Variants in CDK14 observed in about 807,000 individuals in gnomAD.
CDK14 encodes cyclin-dependent kinase 14.
In CDK14, 34 loss-of-function variants were observed where a neutral mutation model predicts 60.7. The ratio of observed to expected loss-of-function variants is 0.56; its 90% CI spans 0.43 to 0.75. CDK14 has a LOEUF of 0.75. CDK14 is among the 30% of genes least tolerant of loss of function. CDK14 has a pLI of 0.00. For missense variants in CDK14, 482 were observed against 564.1 expected, an observed-to-expected ratio of 0.85 and a Z score of 1.47; for synonymous variants, 197 against 203.7, an observed-to-expected ratio of 0.97 and a Z score of 0.28.
intron 14 of CDK14, among the ~76,000 whole-genome samples, chr7:91,199,863 C>T (rs1048405855): frequency 1.9e-4 from 29 of 152,142 alleles, no homozygotes; most frequent in African/African-American, 6.8e-4. Context: ...TAAAACAAAG[C>T]CTGACTATCT....
intron 2 of CDK14, among the ~76,000 whole-genome samples, chr7:90,624,357 A>G (rs1799833352): frequency 6.6e-6 from 1 of 152,270 alleles, no homozygotes; most frequent in Admixed American, 6.5e-5. Flanking sequence ...ATTTCATAAC[A>G]TTAATGACAA....
chr7:90,932,379 C>T (rs1482742739), intron 8 of CDK14, among the ~76,000 whole-genome samples: 2 of 152,094 alleles, frequency 1.3e-5, no homozygotes, highest in South Asian at 2.1e-4. Context: ...AAATTATGGT[C>T]CAATTAACAA....
At chr7:90,991,453 A>G (rs2115691126) in intron 10 of CDK14, among the ~76,000 whole-genome samples, 1 of 152,290 alleles carries the variant, frequency 6.6e-6, no homozygotes, top group East Asian at 1.9e-4. Flanking sequence ...GTACAGTGAC[A>G]CAAATCAAGG....
At chr7:91,098,431 C>T (rs1799060332) in intron 12 of CDK14, among the ~76,000 whole-genome samples, 1 of 151,336 alleles carries the variant, frequency 6.6e-6, no homozygotes, top group Admixed American at 6.6e-5. Context: ...GCGCAGCACA[C>T]CAACATGGCA....
At chr7:90,890,545 A>C (rs1792085062) in intron 6 of CDK14, among the ~76,000 whole-genome samples, 1 of 152,174 alleles carries the variant, frequency 6.6e-6, no homozygotes, top group Admixed American at 6.5e-5. Context: ...TTAATGAATG[A>C]TTCTCATGTA....
At chr7:90,818,068 T>A (rs1241657629) in intron 5 of CDK14, among the ~76,000 whole-genome samples, 1 of 152,212 alleles carries the variant, frequency 6.6e-6, no homozygotes, top group Non-Finnish European at 1.5e-5. Flanking sequence ...AAGTTAAGAC[T>A]TAACCCTGAA....
chr7:90,940,069 TTCTC>T (rs1793870919), intron 8 of CDK14, among the ~76,000 whole-genome samples: 1 of 152,142 alleles, frequency 6.6e-6, no homozygotes, highest in Admixed American at 6.5e-5. Flanking sequence ...CCCTTTTTCT[TTCTC>T]TCTTTTTTTT....
intron 11 of CDK14, among the ~76,000 whole-genome samples, chr7:91,052,888 T>G (rs555689365): frequency 6.6e-6 from 1 of 152,206 alleles, no homozygotes; most frequent in African/African-American, 2.4e-5. Context: ...TTGGAGGCAA[T>G]TGGGGAATGG....
At chr7:90,722,685 G>C (rs1215553131) in intron 2 of CDK14, among the ~76,000 whole-genome samples, 1 of 152,044 alleles carries the variant, frequency 6.6e-6, no homozygotes, top group African/African-American at 2.4e-5. Context: ...ATACTTTAGA[G>C]ATGTTGGTTT....
Position 90,845,052 on chromosome 7 carries a change from G to A in CDK14, c.545-18123G>A, listed in dbSNP as rs74395858. ...CTCTAACAAAATACTTATTTTACAC[G>A]TTCCTTTTTTGTGATTGTCTCTCTC... On this transcript the variant is annotated intron_variant, in intron 5 of 14. Coordinates refer to ENST00000380050, the MANE Select transcript of CDK14 (RefSeq NM_001287135.2). 4.1e-3 allele frequency among the ~76,000 whole-genome samples: 621 copies of A among 152,198 alleles called. 6 individuals carry two copies. The highest frequency in any genetic ancestry group is 0.014 in the African/African-American group (591 of 41,540).
chr7:90,717,004 G>T (rs1802271906), intron 2 of CDK14, among the ~76,000 whole-genome samples: 1 of 151,998 alleles, frequency 6.6e-6, no homozygotes, highest in Admixed American at 6.6e-5. Context: ...GCAGCAAGGG[G>T]TTAACTTTTC....
At chr7:90,990,242 C>T (rs1037253419) in intron 10 of CDK14, among the ~76,000 whole-genome samples, 1 of 152,134 alleles carries the variant, frequency 6.6e-6, no homozygotes, top group African/African-American at 2.4e-5. Flanking sequence ...TGTGCCACTG[C>T]ACTCCAGCCT....
intron 10 of CDK14, among the ~76,000 whole-genome samples, chr7:91,016,914 A>C (rs1796316338): frequency 6.6e-6 from 1 of 152,212 alleles, no homozygotes. Flanking sequence ...AAGCCTCCCA[A>C]AAACTTCATT....
chr7:90,618,391 G>C (rs1300604310), intron 2 of CDK14, among the ~76,000 whole-genome samples: 1 of 151,562 alleles, frequency 6.6e-6, no homozygotes, highest in African/African-American at 2.4e-5. Context: ...TTTCTTCTAT[G>C]CTTCCAATAT....
intron 2 of CDK14, among the ~76,000 whole-genome samples, chr7:90,650,562 G>GTTTTCTTC (rs1457491255): frequency 2.6e-5 from 4 of 152,164 alleles, no homozygotes; most frequent in Non-Finnish European, 5.9e-5. Context: ...TATTGCCTAG[G>GTTTTCTTC]TTTTCTTCTA....
At chr7:90,639,833 C>G (rs1183921735) in intron 2 of CDK14, among the ~76,000 whole-genome samples, 1 of 152,170 alleles carries the variant, frequency 6.6e-6, no homozygotes, top group Non-Finnish European at 1.5e-5. Context: ...GCGGGCGCCC[C>G]TCCCCCAGCC....
intron 2 of CDK14, chr7:90,692,592 A>G: frequency 1.7e-6 from 1 of 584,710 alleles, no homozygotes; most frequent in Non-Finnish European, 2.2e-6. Context: ...GACTAATGAT[A>G]TGGACTAAGA....
At chr7:90,639,836 C>G (rs912348479) in intron 2 of CDK14, among the ~76,000 whole-genome samples, 2 of 152,172 alleles carry the variant, frequency 1.3e-5, no homozygotes, top group Non-Finnish European at 2.9e-5. Context: ...GGCGCCCCTC[C>G]CCCAGCCTGG....
intron 14 of CDK14, among the ~76,000 whole-genome samples, chr7:91,189,599 A>G (rs954932192): frequency 4.6e-5 from 7 of 152,208 alleles, no homozygotes; most frequent in Non-Finnish European, 5.9e-5. Flanking sequence ...TCATATGAGA[A>G]TCCCAATTTT....
Sources: gnomAD v4.1 joint callset for allele counts (sites outside exome capture counted in the v4.1 genomes callset) on GRCh38, gnomAD v4.1.1 for gene constraint, MANE v1.5 for transcripts, NCBI Gene and HGNC (gene_info 2026-07-23, HGNC 2026-07-21) for gene names.